Variants in RBPJ observed in about 807,000 individuals in gnomAD.
RBPJ encodes the protein recombining binding protein suppressor of hairless.
In RBPJ, 9 loss-of-function variants were observed where a neutral mutation model predicts 67.8. The observed-to-expected ratio is 0.13, with a 90% CI of 0.08 to 0.23. The LOEUF (loss-of-function observed/expected upper bound fraction) is 0.23. Among genes scored for constraint, RBPJ ranks in the 10% least tolerant of loss-of-function variants. The probability of loss-of-function intolerance (pLI) is 1.00; values close to 1 mark genes in which losing one functional copy is unlikely to be tolerated. For synonymous variants in RBPJ, 198 were observed against 203.3 expected (o/e 0.97, Z 0.22); for missense variants, 305 against 595.6 (o/e 0.51, Z 5.08).
chr4:26,329,277 G>A (rs1409476227), intron 1 of RBPJ, among the ~76,000 whole-genome samples: 1 of 152,206 alleles, frequency 6.6e-6, no homozygotes, highest in Non-Finnish European at 1.5e-5. Flanking sequence ...ACAGGCATGA[G>A]CCACCGTTCC....
chr4:26,125,198 G>A, the RBPJ span, among the ~76,000 whole-genome samples: 2 of 152,224 alleles, frequency 1.3e-5, no homozygotes, highest in African/African-American at 2.4e-5. Flanking sequence ...CTGCAAGGGT[G>A]GCTGGGAAAT....
chr4:26,106,008 CT>C, the RBPJ span, among the ~76,000 whole-genome samples: 3 of 152,158 alleles, frequency 2.0e-5, no homozygotes, highest in African/African-American at 7.2e-5. Flanking sequence ...ATGATGCAAT[CT>C]GTGATAAATA....
At chr4:26,208,390 C>A (rs1718243629) in intron 1 of RBPJ, among the ~76,000 whole-genome samples, 1 of 152,198 alleles carries the variant, frequency 6.6e-6, no homozygotes, top group South Asian at 2.1e-4. Flanking sequence ...AAGGGCATTG[C>A]ACTCTCTCTA....
At chr4:26,395,664 TAG>T (rs1283173883) in intron 2 of RBPJ, among the ~76,000 whole-genome samples, 1 of 152,080 alleles carries the variant, frequency 6.6e-6, no homozygotes, top group African/African-American at 2.4e-5. Flanking sequence ...CATTAGCCAT[TAG>T]TGGAAGCACC....
chr4:26,239,194 C>T (rs2109215819), intron 1 of RBPJ, among the ~76,000 whole-genome samples: 1 of 152,288 alleles, frequency 6.6e-6, no homozygotes. Context: ...GCTCCTATTT[C>T]TGCTTTTGCC....
At chr4:26,192,295 C>T (rs1303179137) in intron 1 of RBPJ, among the ~76,000 whole-genome samples, 1 of 152,214 alleles carries the variant, frequency 6.6e-6, no homozygotes, top group Non-Finnish European at 1.5e-5. Context: ...GTGTGAGCCA[C>T]TGTGCCCAGC....
chr4:26,357,658 A>C (rs568348213), intron 1 of RBPJ, among the ~76,000 whole-genome samples: 64 of 152,196 alleles, frequency 4.2e-4, no homozygotes, highest in Non-Finnish European at 7.9e-4. Flanking sequence ...CTATGCAACT[A>C]TCACTACCAT....
intron 1 of RBPJ, among the ~76,000 whole-genome samples, chr4:26,330,557 T>C (rs937217573): frequency 6.6e-6 from 1 of 152,208 alleles, no homozygotes; most frequent in African/African-American, 2.4e-5. Context: ...ATTTAGACTG[T>C]TGAAAATTAG....
At chr4:26,210,804 T>TTTCTTTCTTTCTTTCTTTCC (rs1491117442) in intron 1 of RBPJ, among the ~76,000 whole-genome samples, 1 of 148,942 alleles carries the variant, frequency 6.7e-6, no homozygotes, top group African/African-American at 2.5e-5. Context: ...TCTTTCTTTC[T>TTTCTTTCTTTCTTTCTTTCC]TTCTTTTCTC....
chr4:26,425,480 C>T (rs546845142), intron 7 of RBPJ, among the ~76,000 whole-genome samples: 4 of 151,986 alleles, frequency 2.6e-5, no homozygotes, highest in African/African-American at 9.6e-5. Context: ...ATTAGCCAGG[C>T]ATGGTGGTGC....
chr4:26,428,343 A>G (rs1258696762), intron 7 of RBPJ, among the ~76,000 whole-genome samples: 4 of 152,226 alleles, frequency 2.6e-5, no homozygotes, highest in African/African-American at 4.8e-5. Context: ...TTTGTTAGAA[A>G]TGCAGAATAT....
At chr4:26,362,480 G>T in intron 1 of RBPJ, 1 of 1,477,758 alleles carries the variant, frequency 6.8e-7, no homozygotes, top group Admixed American at 2.6e-5. Flanking sequence ...TCAAATGGAA[G>T]CATTATAGTT....
intron 1 of RBPJ, among the ~76,000 whole-genome samples, chr4:26,270,237 C>T (rs766463573): frequency 1.4e-5 from 2 of 142,846 alleles, no homozygotes; most frequent in African/African-American, 2.6e-5. Context: ...GCCAAGAAAT[C>T]GTACCACTGC....
At chr4:26,206,406 G>C (rs934064051) in intron 1 of RBPJ, among the ~76,000 whole-genome samples, 1 of 152,188 alleles carries the variant, frequency 6.6e-6, no homozygotes, top group Admixed American at 6.5e-5. Flanking sequence ...CCTCCCAGGA[G>C]CTCACTGTGG....
rs1736423178 is a variant in RBPJ, at chr4:26,433,656, A to G, written c.*2649A>G. The G allele has an allele frequency of 2.0e-5, 3 of 151,890 alleles. No homozygotes were observed. In the South Asian group the frequency reaches 6.2e-4, roughly 32 times the overall value. The allele number at this position is 151,890 out of a possible 1,614,324, so 9.4% of individuals were successfully genotyped here. A position where few individuals can be genotyped will look rare whatever the true frequency, so the allele number is the denominator to read the frequency against. On this transcript the variant is annotated 3_prime_UTR_variant, in exon 11 of 11. Coordinates refer to ENST00000355476, the MANE Select transcript of RBPJ (RefSeq NM_015874.6). ...CTTATACAGGCATTTTTCCCCACCT[A>G]TTTTTGGCCATTCTCATACCACAGA... is the stretch of plus-strand genomic sequence containing the variant.
chr4:26,386,079 C>G (rs1368458052), intron 1 of RBPJ, among the ~76,000 whole-genome samples: 2 of 152,128 alleles, frequency 1.3e-5, no homozygotes, highest in Admixed American at 6.6e-5. Flanking sequence ...ATTGGTAAGT[C>G]GTCTCTAAAA....
intron 1 of RBPJ, among the ~76,000 whole-genome samples, chr4:26,277,087 C>T (rs567036677): frequency 6.7e-6 from 1 of 149,858 alleles, no homozygotes; most frequent in South Asian, 2.1e-4. Context: ...GGGGACCAGC[C>T]TGGGCAACAT....
At chr4:26,288,108 A>C (rs1208655508) in intron 1 of RBPJ, among the ~76,000 whole-genome samples, 8 of 152,232 alleles carry the variant, frequency 5.3e-5, no homozygotes, top group Non-Finnish European at 1.2e-4. Context: ...AGATAACTAC[A>C]GACATTTTTA....
chr4:26,125,376 A>C, the RBPJ span, among the ~76,000 whole-genome samples: 1 of 152,202 alleles, frequency 6.6e-6, no homozygotes, highest in African/African-American at 2.4e-5. Context: ...TACACTACTG[A>C]CTGAGGAATG....
Sources: allele counts gnomAD v4.1 joint callset (sites outside exome capture counted in the v4.1 genomes callset), GRCh38; gene constraint gnomAD v4.1.1; transcripts MANE v1.5; gene names NCBI Gene and HGNC (gene_info 2026-07-23, HGNC 2026-07-21).